OPCML: variants seen among roughly 807,000 people sequenced by gnomAD.
OPCML encodes opioid-binding protein/cell adhesion molecule.
A neutral mutation model predicts 37.8 loss-of-function variants in OPCML; 13 were observed. The ratio of observed to expected loss-of-function variants is 0.34; its 90% CI spans 0.22 to 0.55. The LOEUF (loss-of-function observed/expected upper bound fraction) is 0.55, where lower values mean the gene tolerates loss of function less well. OPCML is among the 20% of genes least tolerant of loss of function. The pLI is 0.91. For synonymous variants in OPCML, 176 were observed against 168.8 expected (o/e 1.04, Z -0.33); for missense variants, 341 against 435.6 (o/e 0.78, Z 1.93).
intron 3 of OPCML, among the ~76,000 whole-genome samples, chr11:132,559,144 G>A (rs555960929): frequency 5.3e-5 from 8 of 152,130 alleles, no homozygotes; most frequent in African/African-American, 1.9e-4. Flanking sequence ...AAAAGAGTGA[G>A]AGGGAGAGAG....
At chr11:133,342,320 A>C (rs1199290567) in intron 1 of OPCML, among the ~76,000 whole-genome samples, 2 of 152,178 alleles carry the variant, frequency 1.3e-5, no homozygotes, top group Non-Finnish European at 2.9e-5. Context: ...AAGCATGACC[A>C]TCACTCCATG....
At chr11:132,803,879 A>C (rs1938837761) in intron 2 of OPCML, among the ~76,000 whole-genome samples, 1 of 152,236 alleles carries the variant, frequency 6.6e-6, no homozygotes, top group South Asian at 2.1e-4. Flanking sequence ...AAGGCATTCA[A>C]AACAATGCTT....
chr11:132,991,025 G>A (rs1356834906), intron 1 of OPCML, among the ~76,000 whole-genome samples: 1 of 152,170 alleles, frequency 6.6e-6, no homozygotes, highest in African/African-American at 2.4e-5. Context: ...AGACAAATTA[G>A]ACTTGACCCG....
At chr11:132,691,996 T>C (rs1943422165) in intron 2 of OPCML, among the ~76,000 whole-genome samples, 1 of 152,200 alleles carries the variant, frequency 6.6e-6, no homozygotes, top group South Asian at 2.1e-4. Context: ...AATCATAAGC[T>C]TGCAGAACAC....
intron 2 of OPCML, among the ~76,000 whole-genome samples, chr11:132,751,059 A>G (rs1428774645): frequency 6.6e-6 from 1 of 152,208 alleles, no homozygotes; most frequent in Non-Finnish European, 1.5e-5. Context: ...AAATGTGATC[A>G]TGAACAAACC....
intron 1 of OPCML, among the ~76,000 whole-genome samples, chr11:132,944,636 C>T (rs904275532): frequency 1.3e-5 from 2 of 152,202 alleles, no homozygotes; most frequent in Admixed American, 1.3e-4. Context: ...TAGGACTGAT[C>T]CTCCTAAAAC....
intron 2 of OPCML, among the ~76,000 whole-genome samples, chr11:132,715,520 A>G (rs970406907): frequency 6.6e-5 from 10 of 152,188 alleles, no homozygotes; most frequent in African/African-American, 2.4e-4. Context: ...TCATAGGTTG[A>G]AATCCTAGCC....
intron 1 of OPCML, among the ~76,000 whole-genome samples, chr11:133,081,713 G>C (rs1285288478): frequency 6.6e-6 from 1 of 152,146 alleles, no homozygotes; most frequent in Non-Finnish European, 1.5e-5. Flanking sequence ...GGGAGGCTTT[G>C]TGGGGTACAT....
chr11:133,477,981 T>C (rs1947281597), intron 1 of OPCML, among the ~76,000 whole-genome samples: 2 of 152,242 alleles, frequency 1.3e-5, no homozygotes. Flanking sequence ...AATTATAATC[T>C]ATGAGATGTG....
At chr11:132,425,270 A>AT (rs147976794) in intron 7 of OPCML, among the ~76,000 whole-genome samples, 24 of 143,542 alleles carry the variant, frequency 1.7e-4, no homozygotes, top group Admixed American at 8.1e-4. Flanking sequence ...ACAGACAAAT[A>AT]TTTTTTTTAA....
chr11:133,392,562 G>A (rs1201505011), intron 1 of OPCML, among the ~76,000 whole-genome samples: 1 of 152,160 alleles, frequency 6.6e-6, no homozygotes, highest in Non-Finnish European at 1.5e-5. Context: ...GTGCTTCAGG[G>A]GGACCTGAGC....
chr11:133,134,730 G>A (rs936139238), intron 1 of OPCML, among the ~76,000 whole-genome samples: 12 of 152,140 alleles, frequency 7.9e-5, no homozygotes, highest in African/African-American at 2.9e-4. Flanking sequence ...AGCGAGATGA[G>A]CCACCATCCT....
At chr11:133,031,709 G>T (rs1360995460) in intron 1 of OPCML, among the ~76,000 whole-genome samples, 1 of 152,182 alleles carries the variant, frequency 6.6e-6, no homozygotes, top group Non-Finnish European at 1.5e-5. Flanking sequence ...TCTGAGAGTT[G>T]CTGAGGGATA....
intron 1 of OPCML, among the ~76,000 whole-genome samples, chr11:133,118,665 C>G (rs780106125): frequency 6.6e-6 from 1 of 151,850 alleles, no homozygotes; most frequent in Non-Finnish European, 1.5e-5. Flanking sequence ...AAAAAAAAGT[C>G]TTGTCCCCAG....
chr11:132,956,059 A>G (rs1025952252), intron 1 of OPCML, among the ~76,000 whole-genome samples: 1 of 152,350 alleles, frequency 6.6e-6, no homozygotes, highest in South Asian at 2.1e-4. Flanking sequence ...CACAGATATC[A>G]TAGCTATTCA....
At chr11:132,863,828 T>G (rs1942409908) in intron 2 of OPCML, among the ~76,000 whole-genome samples, 3 of 152,230 alleles carry the variant, frequency 2.0e-5, no homozygotes, top group Non-Finnish European at 1.5e-5. Flanking sequence ...GATCATGACC[T>G]TTGCGTCCAA....
At chr11:132,526,220 G>A (rs879757551) in intron 4 of OPCML, among the ~76,000 whole-genome samples, 4 of 152,158 alleles carry the variant, frequency 2.6e-5, no homozygotes, top group Non-Finnish European at 5.9e-5. Flanking sequence ...CAAGCTTAGA[G>A]AACTGTGTGT....
chr11:132,539,511 T>C (rs2096350026), intron 3 of OPCML, among the ~76,000 whole-genome samples: 1 of 146,858 alleles, frequency 6.8e-6, no homozygotes, highest in Non-Finnish European at 1.5e-5. Flanking sequence ...TTTAAAGACA[T>C]GCTGCTGCTG....
chr11:132,907,649 A>G (rs1240333201), intron 2 of OPCML, among the ~76,000 whole-genome samples: 2 of 151,908 alleles, frequency 1.3e-5, no homozygotes, highest in Non-Finnish European at 2.9e-5. Flanking sequence ...AAAAAGAAGA[A>G]GAAAAGAAAA....
Sources: allele counts gnomAD v4.1 joint callset (sites outside exome capture counted in the v4.1 genomes callset), GRCh38; gene constraint gnomAD v4.1.1; transcripts MANE v1.5; gene names NCBI Gene and HGNC (gene_info 2026-07-23, HGNC 2026-07-21).